GNAS: variants seen among roughly 807,000 people sequenced by gnomAD.
GNAS encodes the protein GNAS complex locus, also known as protein ALEX.
Under a neutral mutation model 54.5 loss-of-function variants are expected in GNAS, and 8 were observed. The observed-to-expected ratio is 0.15, with a 90% CI of 0.09 to 0.26. GNAS has a LOEUF of 0.26. Among genes scored for constraint, GNAS ranks in the 10% least tolerant of loss-of-function variants. GNAS has a pLI of 1.00. For missense variants in GNAS, 170 were observed against 529.8 expected, an observed-to-expected ratio of 0.32 and a Z score of 6.67; for synonymous variants, 204 against 191.4, an observed-to-expected ratio of 1.07 and a Z score of -0.54.
intron 1 of GNAS, chr20:58,850,560 G>C (rs1399122402): frequency 5.0e-6 from 2 of 398,670 alleles, no homozygotes; most frequent in Admixed American, 8.8e-5. Context: ...GCATCCCTGG[G>C]GCCTCAACTC....
At chr20:58,881,184 C>T (rs1032608814) in intron 1 of GNAS, among the ~76,000 whole-genome samples, 1 of 152,178 alleles carries the variant, frequency 6.6e-6, no homozygotes, top group Non-Finnish European at 1.5e-5. Context: ...TGTTCTTGAG[C>T]GCCTCCCAGA....
chr20:58,854,822 C>A, intron 1 of GNAS: 1 of 1,592,292 alleles, frequency 6.3e-7, no homozygotes, highest in Non-Finnish European at 8.5e-7. Flanking sequence ...CAGCCCCTGC[C>A]TCCGGGGCCA....
intron 1 of GNAS, among the ~76,000 whole-genome samples, chr20:58,874,349 A>G (rs1186346859): frequency 1.3e-5 from 2 of 152,198 alleles, no homozygotes; most frequent in South Asian, 2.1e-4. Context: ...GAGCCAAACT[A>G]TGCCTTCCAG....
intron 2 of GNAS, chr20:58,898,685 G>A (rs541206873): frequency 1.5e-5 from 9 of 583,842 alleles, no homozygotes; most frequent in South Asian, 4.3e-5. Flanking sequence ...TCCTGTCTCC[G>A]ACCAGAGTCT....
At chr20:58,872,440 A>G (rs2087531721) in intron 1 of GNAS, among the ~76,000 whole-genome samples, 1 of 152,248 alleles carries the variant, frequency 6.6e-6, no homozygotes, top group South Asian at 2.1e-4. Context: ...CTATAAGTTA[A>G]GTATAGATCT....
chr20:58,904,763 A>G (rs2090930349), intron 5 of GNAS, among the ~76,000 whole-genome samples: 1 of 152,180 alleles, frequency 6.6e-6, no homozygotes, highest in Admixed American at 6.5e-5. Context: ...ATTATTTTGA[A>G]AAAAAAGCAA....
intron 2 of GNAS, among the ~76,000 whole-genome samples, chr20:58,896,720 AC>A (rs1376670734): frequency 1.3e-5 from 2 of 152,156 alleles, no homozygotes; most frequent in Non-Finnish European, 2.9e-5. Flanking sequence ...GATTTCAAGC[AC>A]CTGAAGGCAC....
chr20:58,840,005 C>T (rs1272649176), upstream of GNAS: 5 of 1,369,134 alleles, frequency 3.7e-6, no homozygotes, highest in East Asian at 9.1e-5. This position sits in a 1 kb window ranked among gnomAD's most constrained non-coding sequence, Gnocchi z 6.0. Flanking sequence ...AGCTTCTCAC[C>T]TCATAGGGTG....
intron 1 of GNAS, among the ~76,000 whole-genome samples, chr20:58,845,646 T>A (rs1268788916): frequency 3.9e-5 from 6 of 152,206 alleles, no homozygotes; most frequent in African/African-American, 1.4e-4. Context: ...GTGGGGGGCA[T>A]AAATTTTTTA....
chr20:58,842,250 A>T (rs569455269), intron 1 of GNAS: 125 of 398,458 alleles, frequency 3.1e-4, no homozygotes, highest in African/African-American at 2.3e-3. Flanking sequence ...AAATGTCTTT[A>T]AAAAATCTCA....
At chr20:58,864,874 G>A (rs1434292917) in intron 1 of GNAS, among the ~76,000 whole-genome samples, 4 of 151,818 alleles carry the variant, frequency 2.6e-5, no homozygotes, top group Non-Finnish European at 5.9e-5. Flanking sequence ...TTCATGGGGT[G>A]GTTGTCCTAT....
chr20:58,864,958 A>AC (rs1568939779), intron 1 of GNAS, among the ~76,000 whole-genome samples: 7 of 135,560 alleles, frequency 5.2e-5, no homozygotes, highest in African/African-American at 1.9e-4. Flanking sequence ...CACACACACA[A>AC]ACACACACGC....
upstream of GNAS, chr20:58,889,449 G>A: frequency 1.3e-6 from 1 of 741,926 alleles, no homozygotes; most frequent in Non-Finnish European, 1.6e-6. Flanking sequence ...GCGCCCGGGC[G>A]CCGCTGCCTT....
intron 6 of GNAS, among the ~76,000 whole-genome samples, chr20:58,905,838 A>G (rs1259109090): frequency 1.3e-5 from 2 of 152,220 alleles, no homozygotes; most frequent in African/African-American, 4.8e-5. Flanking sequence ...TAAAAATACT[A>G]TATTTTATTG....
chr20:58,841,752 G>C lies in GNAS; in HGVS notation c.43+866G>C. ...TTGAACGCACAGGCATGGTCACGTC[G>C]GGGTATTGCCAAGCTTTTGGCGCAG... On this transcript the variant is annotated intron_variant, in intron 1 of 12. Coordinates refer to the GNAS transcript ENST00000306090. The surrounding 1 kb of genome is among the most constrained non-coding windows in gnomAD (Gnocchi z 5.0). The C allele has an allele frequency of 1.6e-6, 2 of 1,228,900 alleles. No homozygotes were observed. The highest frequency in any genetic ancestry group is 2.0e-6 in the Non-Finnish European group (2 of 986,664). 76.1% of individuals were successfully genotyped at this position (1,228,900 alleles called of 1,614,324 possible).
chr20:58,874,437 G>A (rs1395383182), intron 1 of GNAS, among the ~76,000 whole-genome samples: 1 of 152,264 alleles, frequency 6.6e-6, no homozygotes, highest in African/African-American at 2.4e-5. Flanking sequence ...TCTATGTCTA[G>A]GATTAGTGTT....
chr20:58,850,582 T>C (rs2086118364), intron 1 of GNAS: 2 of 398,842 alleles, frequency 5.0e-6, no homozygotes, highest in Middle Eastern at 6.2e-4. Flanking sequence ...TTATCCATCC[T>C]GGGCTGCTCC....
At chr20:58,895,532 C>A in intron 1 of GNAS, 80 bp from the exon 2 acceptor site, 1 of 871,928 alleles carries the variant, frequency 1.1e-6, no homozygotes, top group Non-Finnish European at 2.0e-6. Context: ...TATGGAAAAA[C>A]AAAACAACAA....
At chr20:58,858,594 T>C (rs955804784) in intron 1 of GNAS, among the ~76,000 whole-genome samples, 2 of 152,204 alleles carry the variant, frequency 1.3e-5, no homozygotes, top group East Asian at 1.9e-4. Context: ...ATGGGGCTAA[T>C]AGATCAGAGT....
Sources: gnomAD v4.1 joint callset for allele counts (sites outside exome capture counted in the v4.1 genomes callset) on GRCh38, gnomAD v4.1.1 for gene constraint, Gnocchi (gnomAD v3.1) non-coding constraint, MANE v1.5 for transcripts, NCBI Gene and HGNC (gene_info 2026-07-23, HGNC 2026-07-21) for gene names.